The following PELI1 variants were observed in gnomAD, a reference collection of about 807,000 sequenced individuals.
PELI1 encodes the protein E3 ubiquitin-protein ligase pellino homolog 1.
A neutral mutation model predicts 41.3 loss-of-function variants in PELI1; 15 were observed. The observed-to-expected ratio is 0.36, with a 90% CI of 0.24 to 0.56. The LOEUF (loss-of-function observed/expected upper bound fraction) is 0.56, where lower values mean the gene tolerates loss of function less well. Ranked by LOEUF, PELI1 falls within the 20% of genes least tolerant of loss-of-function variation. The pLI, the probability that PELI1 is intolerant of heterozygous loss-of-function variation, is 0.82. For missense variants in PELI1, 403 were observed against 525.5 expected, an observed-to-expected ratio of 0.77 and a Z score of 2.28; for synonymous variants, 178 against 180.1, an observed-to-expected ratio of 0.99 and a Z score of 0.09.
In PELI1 at chr2:64,096,279, T is replaced by G; in HGVS notation, c.536A>C (p.Gln179Pro). The change falls in exon 6 of 7, where the codon CAG (glutamine) becomes CCG (proline). Residue 179 changes from glutamine to proline, a missense_variant. By Grantham distance (76) the Gln-to-Pro change is moderately conservative. Coordinates refer to ENST00000358912, the MANE Select transcript of PELI1 (RefSeq NM_020651.4). ...KAAKWKTSDG[Q>P]MDGLTTNGVL... ...ACCATTAGTGGTCAAGCCATCCATC[T>G]GTCCATCTGATGTCTTCCATTTGGC... The G allele has an allele frequency of 6.2e-7, 1 of 1,614,130 alleles. No homozygotes were observed. The highest frequency in any genetic ancestry group is 8.5e-7 in the Non-Finnish European group (1 of 1,179,924).
intron 4 of PELI1, among the ~76,000 whole-genome samples, chr2:64,099,545 G>C (rs937417040): frequency 6.6e-6 from 1 of 152,130 alleles, no homozygotes; most frequent in South Asian, 2.1e-4. Context: ...TCATTAAAAG[G>C]GTTGGGCAGA....
At chr2:64,104,680 G>C (rs1680561396) in intron 3 of PELI1, 21 bp downstream of exon 3, 2 of 1,387,830 alleles carry the variant, frequency 1.4e-6, no homozygotes, top group Non-Finnish European at 9.8e-7. Context: ...AATTTATGTA[G>C]CTTTTTTTTT....
At chr2:64,140,787 C>CCAAAAAAAAAAAAA (rs1681877427) in intron 1 of PELI1, among the ~76,000 whole-genome samples, 1 of 46,358 alleles carries the variant, frequency 2.2e-5, no homozygotes, top group South Asian at 9.1e-4. Context: ...AGACAACATG[C>CCAAAAAAAAAAAAA]AAAAAAAAAA....
In PELI1 at chr2:64,118,536, C is replaced by CA. The variant is rs1378698484; in HGVS notation, c.-69-10158dup. On this transcript the variant is annotated intron_variant, in intron 1 of 6. Transcript: ENST00000358912. ...TTCTTCTGGTGAAAATAAAATGTTTCAAAAAAGAACACTGCTGGGAAACTA... is the reference window on the plus strand; with the variant it reads ...TTCTTCTGGTGAAAATAAAATGTTTCAAAAAAAGAACACTGCTGGGAAACTA... Among the ~76,000 whole-genome samples the CA allele has an allele frequency of 2.0e-5, 3 of 152,046 alleles. No individual in the cohort carries two copies. The East Asian group carries it at 5.8e-4, about 29-fold the overall frequency.
rs1048964950 is a variant in PELI1 at position 64,094,132 on chromosome 2, T to C, written c.*570A>G. On this transcript the variant is annotated 3_prime_UTR_variant, in exon 7 of 7. Transcript: ENST00000358912. The stretch of plus-strand genomic sequence containing the variant: ...AATTTACCAAATTCCATATTTAGAT[T>C]GGGGTGGGGAGAGAGGCTCTCTCGT... 1.3e-5 allele frequency: 2 copies of C among 152,574 alleles called. No individual in the cohort carries two copies. Among genetic ancestry groups the C allele is most frequent in the African/African-American group, 2.4e-5 (1 of 41,412 alleles). 9.5% of individuals were successfully genotyped at this position (152,574 alleles called of 1,614,324 possible).
chr2:64,125,977 A>G (rs1286048876), intron 1 of PELI1, among the ~76,000 whole-genome samples: 2 of 152,256 alleles, frequency 1.3e-5, no homozygotes, highest in African/African-American at 2.4e-5. Flanking sequence ...AAGATATCTC[A>G]TAATATATAT....
At chr2:64,121,879 T>A (rs1681227045) in intron 1 of PELI1, among the ~76,000 whole-genome samples, 2 of 144,060 alleles carry the variant, frequency 1.4e-5, no homozygotes, top group South Asian at 4.3e-4. Flanking sequence ...CACTCCAGCC[T>A]GGACAACAAG....
rs1365707319 is a variant in PELI1 at position 64,094,946 on chromosome 2, G to A, written c.1013C>T (p.Ser338Phe). 1 of 1,614,164 alleles carries A rather than the reference G, an allele frequency of 6.2e-7. No individual in the cohort carries two copies. The highest frequency in any genetic ancestry group is 8.5e-7 in the Non-Finnish European group (1 of 1,180,004). The change falls in exon 7 of 7, where the codon TCT becomes TTT. Residue 338 changes from serine to phenylalanine, a missense_variant. Physicochemically the swap from Ser to Phe is radical, Grantham distance 155 (BLOSUM62 -2). Coordinates refer to ENST00000358912, the MANE Select transcript of PELI1 (RefSeq NM_020651.4). ...GKDRECPMCR[S>F]VGPYVPLWLG... ...CCACAGAGGAACATAGGGACCAACA[G>A]ACCTACACATAGGACATTCACGATC...
intron 2 of PELI1, among the ~76,000 whole-genome samples, chr2:64,105,063 T>C (rs184096823): frequency 1.3e-5 from 2 of 152,144 alleles, no homozygotes; most frequent in Non-Finnish European, 2.9e-5. Flanking sequence ...TTTTGGATTA[T>C]ACACAGATTC....
At chr2:64,139,910 C>G (rs955203338) in intron 1 of PELI1, among the ~76,000 whole-genome samples, 7 of 152,230 alleles carry the variant, frequency 4.6e-5, no homozygotes, top group Non-Finnish European at 8.8e-5. Flanking sequence ...AATTTATTTG[C>G]TGTCCCTGCT....
chr2:64,097,103 G>C (rs989282624), intron 4 of PELI1, among the ~76,000 whole-genome samples: 1 of 152,170 alleles, frequency 6.6e-6, no homozygotes. Flanking sequence ...GCTACAAGAG[G>C]TATACAAGGC....
chr2:64,122,481 A>G (rs1681257451), intron 1 of PELI1, among the ~76,000 whole-genome samples: 1 of 151,956 alleles, frequency 6.6e-6, no homozygotes, highest in Non-Finnish European at 1.5e-5. Context: ...ACCCTTGGAC[A>G]CACTGACCTC....
chr2:64,094,243 G>A lies in PELI1; in HGVS notation c.*459C>T, dbSNP rs1680147944. ...AAGGGTGTGACACCATCGTTACCAT[G>A]CTACTCTATCAAGAACATTCTAAGG... On this transcript the variant is annotated 3_prime_UTR_variant, in exon 7 of 7. Transcript: ENST00000358912. 6.4e-6 allele frequency: 1 copy of A among 155,682 alleles called. No homozygotes were observed. Among genetic ancestry groups the A allele is most frequent in the Non-Finnish European group, 1.4e-5 (1 of 70,136 alleles). The allele number at this position is 155,682 out of a possible 1,614,324, so 9.6% of individuals were successfully genotyped here.
rs1187874846 is a variant in PELI1, at chr2:64,096,577, C to T, written c.337G>A (p.Val113Ile). Reference protein sequence around the residue: ...GRSTESPIDFVVTDTVPGSQS... With the variant: ...GRSTESPIDFIVTDTVPGSQS... ...CTTCCAGGAACCGTGTCAGTTACTACAAAATCAATGGGGCTTTCAGTCGAC... is the reference window on the plus strand; with the variant it reads ...CTTCCAGGAACCGTGTCAGTTACTATAAAATCAATGGGGCTTTCAGTCGAC... Residue 113 changes from valine (V) to isoleucine (I), a missense_variant, in exon 5 of 7, where the codon GTA (valine) becomes ATA (isoleucine). Val to Ile is a conservative substitution (Grantham distance 29, BLOSUM62 3). Coordinates refer to ENST00000358912, the MANE Select transcript of PELI1 (RefSeq NM_020651.4). 1.2e-6 allele frequency: 2 copies of T among 1,610,040 alleles called. No homozygotes were observed. Among genetic ancestry groups the T allele is most frequent in the Non-Finnish European group, 1.7e-6 (2 of 1,177,604 alleles).
intron 1 of PELI1, among the ~76,000 whole-genome samples, chr2:64,142,514 C>T (rs1034771714): frequency 1.3e-5 from 2 of 151,732 alleles, no homozygotes; most frequent in East Asian, 1.9e-4. Context: ...AGTATGGTAC[C>T]GAAGAAATAA....
intron 4 of PELI1, among the ~76,000 whole-genome samples, chr2:64,099,181 C>CACAT (rs1194334180): frequency 6.6e-6 from 1 of 151,520 alleles, no homozygotes; most frequent in Non-Finnish European, 1.5e-5. Context: ...CACACACACA[C>CACAT]ACACACACAC....
rs1008593714 is a variant in PELI1 at position 64,118,814 on chromosome 2, G to T, written c.-69-10435C>A. 1.9e-4 allele frequency among the ~76,000 whole-genome samples: 29 copies of T among 152,228 alleles called. 1 individual carries two copies. The highest frequency in any genetic ancestry group is 6.5e-4 in the African/African-American group (27 of 41,542). On this transcript the variant is annotated intron_variant, in intron 1 of 6. Transcript: ENST00000358912. ...CAGATCTCTTTCTTGAGAAGATCTT[G>T]GGAAAAGATTTATGGCTGAAAAACT... is the stretch of plus-strand genomic sequence containing the variant.
chr2:64,139,439 G>A (rs1212578640), intron 1 of PELI1, among the ~76,000 whole-genome samples: 1 of 151,930 alleles, frequency 6.6e-6, no homozygotes, highest in Admixed American at 6.6e-5. Context: ...CCGAGTAGTT[G>A]GGACCACGTC....
At chr2:64,104,652 T>A in intron 3 of PELI1, 49 bp downstream of exon 3, 2 of 1,529,060 alleles carry the variant, frequency 1.3e-6, no homozygotes, top group Non-Finnish European at 1.7e-6. Flanking sequence ...CATAAAAGTC[T>A]TTCAAATTCT....
Sources: gnomAD v4.1 joint callset for allele counts (sites outside exome capture counted in the v4.1 genomes callset) on GRCh38, gnomAD v4.1.1 for gene constraint, MANE v1.5 for transcripts, NCBI Gene and HGNC (gene_info 2026-07-23, HGNC 2026-07-21) for gene names.